SEMA3A: variants seen among roughly 807,000 people sequenced by gnomAD.
SEMA3A encodes semaphorin-3A.
SEMA3A carries 29 observed loss-of-function variants against 97.9 expected under a neutral mutation model. The ratio of observed to expected loss-of-function variants is 0.30; its 90% CI spans 0.22 to 0.40. The LOEUF is 0.40. Ranked by LOEUF, SEMA3A falls within the 10% of genes least tolerant of loss-of-function variation. SEMA3A has a pLI of 1.00. For synonymous variants in SEMA3A, 321 were observed against 323.7 expected, an observed-to-expected ratio of 0.99 and a Z score of 0.09; for missense variants, 763 against 951.3, an observed-to-expected ratio of 0.80 and a Z score of 2.60.
At chr7:84,387,997 T>C (rs981416751) in intron 1 of SEMA3A, among the ~76,000 whole-genome samples, 8 of 149,540 alleles carry the variant, frequency 5.3e-5, no homozygotes, top group Non-Finnish European at 1.2e-4. Context: ...AGATGAAACA[T>C]TCTAAACACA....
intron 1 of SEMA3A, among the ~76,000 whole-genome samples, chr7:84,405,378 C>A (rs2116228974): frequency 6.6e-6 from 1 of 152,296 alleles, no homozygotes; most frequent in African/African-American, 2.4e-5. Flanking sequence ...AATACATTAA[C>A]ACCCAGATTC....
chr7:84,377,192 G>C (rs970381615), intron 1 of SEMA3A, among the ~76,000 whole-genome samples: 2 of 152,024 alleles, frequency 1.3e-5, no homozygotes, highest in African/African-American at 4.8e-5. Context: ...AGCTGATCTT[G>C]GCATAAGGTC....
intron 1 of SEMA3A, among the ~76,000 whole-genome samples, chr7:84,488,478 ATT>A (rs201712688): frequency 1.3e-5 from 2 of 149,258 alleles, no homozygotes; most frequent in South Asian, 4.2e-4. Flanking sequence ...TTGACAGCTC[ATT>A]TTTTTTTTCA....
intron 3 of SEMA3A, among the ~76,000 whole-genome samples, chr7:84,124,545 C>T (rs1176963453): frequency 6.6e-6 from 1 of 152,108 alleles, no homozygotes; most frequent in East Asian, 1.9e-4. Context: ...ACCCAAGATA[C>T]AGTGCAGAAT....
chr7:84,465,357 T>A (rs571998068), intron 1 of SEMA3A, among the ~76,000 whole-genome samples: 1 of 152,264 alleles, frequency 6.6e-6, no homozygotes, highest in South Asian at 2.1e-4. Context: ...ATATAATACC[T>A]CATTTGAATG....
intron 1 of SEMA3A, among the ~76,000 whole-genome samples, chr7:84,377,558 T>C (rs748294840): frequency 2.6e-5 from 4 of 152,180 alleles, no homozygotes; most frequent in Non-Finnish European, 4.4e-5. Flanking sequence ...TTTGTTCTTT[T>C]TGCTCAGAAT....
chr7:84,005,526 AGAG>A lies in SEMA3A; in HGVS notation c.1170_1172del (p.Ser391del). The A allele has an allele frequency of 6.2e-7, 1 of 1,613,948 alleles. No individual in the cohort carries two copies. ...TAACATCATCAGGAAGGTCCTTTGT[AGAG>A]TCAAAACCACCAAATGTTTTGCTGG... On this transcript the variant is annotated inframe_deletion, in exon 11 of 17. Transcript: ENST00000265362.
In SEMA3A at chr7:84,244,374, C is replaced by T. The variant is rs144080580; in HGVS notation, c.-82-49706G>A. On this transcript the variant is annotated intron_variant, in intron 3 of 3. Coordinates refer to the SEMA3A transcript ENST00000424555. ...GTCTTTGTCTTTTTTGTTCTTTGTT[C>T]GTTTAAAGTCTGTTTTATCAGAGAC... 6.2e-3 allele frequency among the ~76,000 whole-genome samples: 947 copies of T among 152,086 alleles called. 42 individuals carry two copies. The East Asian group carries it at 0.12, about 19-fold the overall frequency.
chr7:83,971,644 C>T (rs1378554105), intron 15 of SEMA3A, among the ~76,000 whole-genome samples: 2 of 152,010 alleles, frequency 1.3e-5, no homozygotes, highest in Non-Finnish European at 2.9e-5. Flanking sequence ...TGTATGTGTG[C>T]ATGTACCAAC....
chr7:84,258,880 G>A (rs1344066604), intron 3 of SEMA3A, among the ~76,000 whole-genome samples: 1 of 151,690 alleles, frequency 6.6e-6, no homozygotes, highest in Non-Finnish European at 1.5e-5. Context: ...CAACACTCTA[G>A]GGATTATCTA....
At chr7:84,150,556 G>A (rs528745502) in intron 1 of SEMA3A, among the ~76,000 whole-genome samples, 2 of 152,120 alleles carry the variant, frequency 1.3e-5, no homozygotes, top group South Asian at 2.1e-4. Context: ...GGCGCATCAC[G>A]AGATTATATC....
At chr7:84,473,401 T>A (rs752223569) in intron 1 of SEMA3A, among the ~76,000 whole-genome samples, 58 of 149,282 alleles carry the variant, frequency 3.9e-4, no homozygotes, top group Non-Finnish European at 6.2e-4. Flanking sequence ...AATATTATTA[T>A]TATTATTATT....
At chr7:84,310,333 C>A (rs908386084) in intron 2 of SEMA3A, among the ~76,000 whole-genome samples, 1 of 151,040 alleles carries the variant, frequency 6.6e-6, no homozygotes, top group African/African-American at 2.4e-5. Flanking sequence ...CAAGCAGGTA[C>A]CGGCAGATAC....
At chr7:84,204,551 T>G (rs1798440567) in intron 3 of SEMA3A, among the ~76,000 whole-genome samples, 1 of 152,114 alleles carries the variant, frequency 6.6e-6, no homozygotes, top group South Asian at 2.1e-4. Context: ...AAATGCCCTT[T>G]AGGAGAAACA....
chr7:84,413,680 A>G (rs1054050964), intron 1 of SEMA3A, among the ~76,000 whole-genome samples: 35 of 152,126 alleles, frequency 2.3e-4, no homozygotes, highest in African/African-American at 7.5e-4. Flanking sequence ...TAGTAGTAGT[A>G]GTAGAAGTAA....
chr7:84,410,134 C>A (rs1012787438), intron 1 of SEMA3A, among the ~76,000 whole-genome samples: 1 of 151,900 alleles, frequency 6.6e-6, no homozygotes, highest in Non-Finnish European at 1.5e-5. Flanking sequence ...TAAGAATCAA[C>A]AAAAGTAAAC....
rs531975854 is a variant in SEMA3A at position 84,477,718 on chromosome 7, A to C, written c.-246+14742T>G. Among the ~76,000 whole-genome samples, 13 of 152,292 alleles carry C rather than the reference A, an allele frequency of 8.5e-5. No homozygotes were observed. In the South Asian group the frequency reaches 2.7e-3, roughly 32 times the overall value. On this transcript the variant is annotated intron_variant, in intron 1 of 3. Coordinates refer to the SEMA3A transcript ENST00000424555. ...AGATCTACAAAATAAAGAATGAAAC[A>C]GTGAATTAATATCCTCTTAGCATAT...
rs146518409 is a variant in SEMA3A at position 84,194,504 on chromosome 7, T to C, written c.83A>G (p.Asn28Ser). The change falls in exon 1 of 17, where the codon AAT becomes AGT. Residue 28 changes from asparagine to serine, a missense_variant. Asn to Ser is a conservative substitution (Grantham distance 46). Coordinates refer to ENST00000265362, the MANE Select transcript of SEMA3A (RefSeq NM_006080.3). ...GTAGGATAATTTCAGCCTTGGCACA[T>C]TGTTCTTCCCATTCTGATAGTTTGC... The part of the protein sequence containing the change: ...ARANYQNGKN[N>S]VPRLKLSYKE... 12 of 1,611,920 alleles carry C rather than the reference T, an allele frequency of 7.4e-6. No individual in the cohort carries two copies. The highest frequency in any genetic ancestry group is 5.9e-6 in the Non-Finnish European group (7 of 1,178,102).
rs1181530901 is a variant in SEMA3A at position 83,965,666 on chromosome 7, A to ATTTTTTT, written c.1718-2326_1718-2320dup. 1.7e-4 allele frequency among the ~76,000 whole-genome samples: 2 copies of ATTTTTTT among 11,794 alleles called. 1 individual carries two copies. The highest frequency in any genetic ancestry group is 0.017 in the East Asian group (2 of 116). The allele number at this position is 11,794 out of a possible 152,430, so 7.7% of individuals were successfully genotyped here. On this transcript the variant is annotated intron_variant, in intron 15 of 16. Transcript: ENST00000265362. ...TATATATATATATATATATATATATATTTTTTTTTTTTTTTTTTTTTTTTT... is the reference window on the plus strand; with the variant it reads ...TATATATATATATATATATATATATATTTTTTTTTTTTTTTTTTTTTTTTTTTTTTTT...
Sources: allele counts gnomAD v4.1 joint callset (sites outside exome capture counted in the v4.1 genomes callset), GRCh38; gene constraint gnomAD v4.1.1; transcripts MANE v1.5; gene names NCBI Gene and HGNC (gene_info 2026-07-23, HGNC 2026-07-21).